Variants in SUGCT observed in about 807,000 individuals in gnomAD.
SUGCT encodes succinyl-CoA:glutarate CoA-transferase.
Under a neutral mutation model 55.0 loss-of-function variants are expected in SUGCT, and 41 were observed. That is an observed-to-expected ratio of 0.74 (90% CI 0.58 to 0.97). SUGCT has a LOEUF of 0.97. Among genes scored for constraint, SUGCT ranks in the 50% least tolerant of loss-of-function variants. The probability of loss-of-function intolerance (pLI) is 0.00; values close to 1 mark genes in which losing one functional copy is unlikely to be tolerated. For missense variants in SUGCT, 568 were observed against 547.8 expected, an observed-to-expected ratio of 1.04 and a Z score of -0.37; for synonymous variants, 187 against 200.4, an observed-to-expected ratio of 0.93 and a Z score of 0.56.
At chr7:40,363,121 T>G (rs1387773631) in intron 9 of SUGCT, among the ~76,000 whole-genome samples, 3 of 152,176 alleles carry the variant, frequency 2.0e-5, no homozygotes, top group Non-Finnish European at 4.4e-5. Flanking sequence ...TAGTATTCTC[T>G]GATGGTAGTT....
intron 12 of SUGCT, among the ~76,000 whole-genome samples, chr7:40,687,644 C>T (rs151102831): frequency 0.023 from 3,544 of 152,290 alleles, 62 homozygotes; most frequent in Non-Finnish European, 0.036. Context: ...AATTTTTCTT[C>T]CCACAAACAC....
At chr7:40,952,484 G>T in the SUGCT span, among the ~76,000 whole-genome samples, 1 of 152,282 alleles carries the variant, frequency 6.6e-6, no homozygotes, top group African/African-American at 2.4e-5. Flanking sequence ...ATCTGAATTT[G>T]ATACTGTCGT....
At chr7:40,241,170 G>T (rs1015730739) in intron 7 of SUGCT, among the ~76,000 whole-genome samples, 6 of 152,056 alleles carry the variant, frequency 3.9e-5, no homozygotes, top group African/African-American at 1.4e-4. Context: ...TCTTGAAATC[G>T]AGTGATATTC....
At chr7:40,222,986 T>TTTCCTTTCTTCCTTCCTTCCTTCC (rs1053244744) in intron 6 of SUGCT, among the ~76,000 whole-genome samples, 1 of 94,000 alleles carries the variant, frequency 1.1e-5, no homozygotes, top group Non-Finnish European at 2.2e-5. Flanking sequence ...TTTTCATTTC[T>TTTCCTTTCTTCCTTCCTTCCTTCC]TTCCTTCCTT....
chr7:40,291,398 T>G (rs9800959), intron 8 of SUGCT, among the ~76,000 whole-genome samples: 1 of 149,602 alleles, frequency 6.7e-6, no homozygotes, highest in African/African-American at 2.5e-5. Context: ...AGCAAACTAT[T>G]GCAAGGACAA....
chr7:40,420,043 T>C (rs372300993), intron 9 of SUGCT, among the ~76,000 whole-genome samples: 1 of 152,120 alleles, frequency 6.6e-6, no homozygotes, highest in Admixed American at 6.5e-5. Flanking sequence ...AAAATCTGAA[T>C]CAGCACTTAC....
At chr7:40,717,620 A>G (rs913022003) in intron 12 of SUGCT, among the ~76,000 whole-genome samples, 2 of 152,238 alleles carry the variant, frequency 1.3e-5, no homozygotes, top group Non-Finnish European at 2.9e-5. Flanking sequence ...GGCTGTCTCA[A>G]TATTTATAAA....
chr7:40,615,708 T>C (rs1187322866), intron 12 of SUGCT, among the ~76,000 whole-genome samples: 2 of 152,220 alleles, frequency 1.3e-5, no homozygotes, highest in Admixed American at 6.5e-5. Context: ...TTCAATTGTT[T>C]AGCGAAAACA....
At chr7:40,490,752 A>G (rs920927647) in intron 11 of SUGCT, among the ~76,000 whole-genome samples, 1 of 152,156 alleles carries the variant, frequency 6.6e-6, no homozygotes, top group South Asian at 2.1e-4. Context: ...ATGACTCTGG[A>G]AAGTATAGGA....
the SUGCT span, among the ~76,000 whole-genome samples, chr7:40,930,271 T>C: frequency 6.6e-6 from 1 of 152,200 alleles, no homozygotes; most frequent in Non-Finnish European, 1.5e-5. Context: ...TTCTGTTCCA[T>C]TGGTCTGTAT....
chr7:40,710,212 C>A (rs1395082019), intron 12 of SUGCT, among the ~76,000 whole-genome samples: 1 of 152,208 alleles, frequency 6.6e-6, no homozygotes, highest in African/African-American at 2.4e-5. Context: ...TGCATGTTAA[C>A]TATACGGCGG....
the SUGCT span, among the ~76,000 whole-genome samples, chr7:40,904,893 T>C: frequency 1.3e-5 from 2 of 152,276 alleles, no homozygotes; most frequent in Admixed American, 1.3e-4. Context: ...AACACCAATA[T>C]CCAGATTTAG....
At chr7:40,374,472 A>G (rs1486502742) in intron 9 of SUGCT, among the ~76,000 whole-genome samples, 1 of 152,184 alleles carries the variant, frequency 6.6e-6, no homozygotes, top group Non-Finnish European at 1.5e-5. Flanking sequence ...CAGTCAAGAT[A>G]TTAATCCAAA....
Position 40,438,867 on chromosome 7 carries a change from AG to A in SUGCT, c.817-10419del, listed in dbSNP as rs373817172. Among the ~76,000 whole-genome samples, 43 of 151,628 alleles carry A rather than the reference AG, an allele frequency of 2.8e-4. 1 individual carries two copies. In the East Asian group the frequency reaches 7.4e-3, roughly 26 times the overall value. ...AGAAGGAGGAGTGATTTGCAGGGCC[AG>A]TGAAGGCCTGGGAGTCAAGACCTAA... On this transcript the variant is annotated intron_variant, in intron 9 of 13. Transcript: ENST00000335693.
intron 12 of SUGCT, among the ~76,000 whole-genome samples, chr7:40,576,354 C>T (rs1156293780): frequency 6.6e-6 from 1 of 152,152 alleles, no homozygotes; most frequent in East Asian, 1.9e-4. Flanking sequence ...GAAGGGGCAA[C>T]AGTGAAAGAA....
chr7:40,353,341 C>T (rs1419504109), intron 9 of SUGCT, among the ~76,000 whole-genome samples: 2 of 152,134 alleles, frequency 1.3e-5, no homozygotes, highest in Non-Finnish European at 2.9e-5. Flanking sequence ...CTTCATATTA[C>T]TGTAGAATCT....
chr7:40,888,715 A>AT, the SUGCT span, among the ~76,000 whole-genome samples: 1 of 152,150 alleles, frequency 6.6e-6, no homozygotes. Context: ...ACTTGGGAGG[A>AT]TTTATGGCAG....
chr7:40,355,974 C>T (rs1797868466), intron 9 of SUGCT, among the ~76,000 whole-genome samples: 1 of 152,224 alleles, frequency 6.6e-6, no homozygotes, highest in Non-Finnish European at 1.5e-5. Flanking sequence ...CATGTCATTA[C>T]ATTGCAGATT....
At chr7:40,713,777 A>G (rs566669488) in intron 12 of SUGCT, among the ~76,000 whole-genome samples, 26 of 152,158 alleles carry the variant, frequency 1.7e-4, no homozygotes, top group African/African-American at 6.0e-4. Flanking sequence ...AATTGTTTGG[A>G]TTATTCCTTC....
Sources: allele counts gnomAD v4.1 joint callset (sites outside exome capture counted in the v4.1 genomes callset), GRCh38; gene constraint gnomAD v4.1.1; transcripts MANE v1.5; gene names NCBI Gene and HGNC (gene_info 2026-07-23, HGNC 2026-07-21).